The following RABGAP1 variants were observed in gnomAD, a reference collection of about 807,000 sequenced individuals.
RABGAP1 encodes the protein RAB GTPase activating protein 1.
RABGAP1 carries 23 observed loss-of-function variants against 137.6 expected under a neutral mutation model. The observed-to-expected ratio is 0.17, with a 90% CI of 0.12 to 0.24. RABGAP1 has a LOEUF of 0.24. Ranked by LOEUF, RABGAP1 falls within the 10% of genes least tolerant of loss-of-function variation. RABGAP1 has a pLI of 1.00. For missense variants in RABGAP1, 906 were observed against 1,275.8 expected, an observed-to-expected ratio of 0.71 and a Z score of 4.42; for synonymous variants, 451 against 450.7, an observed-to-expected ratio of 1.00 and a Z score of -0.01.
intron 19 of RABGAP1, among the ~76,000 whole-genome samples, chr9:123,088,525 A>C (rs1220837190): frequency 6.6e-6 from 1 of 152,168 alleles, no homozygotes; most frequent in Non-Finnish European, 1.5e-5. Context: ...CTCCATCCCT[A>C]CAAAAAATAA....
chr9:123,039,899 TC>T (rs33912422), intron 13 of RABGAP1, among the ~76,000 whole-genome samples: 15,040 of 152,136 alleles, frequency 0.099, 2,392 homozygotes, highest in African/African-American at 0.34. Context: ...CTTTCCTTCT[TC>T]CTTCCTTTTC....
chr9:122,992,196 C>T (rs950851151), intron 6 of RABGAP1, among the ~76,000 whole-genome samples: 3 of 151,994 alleles, frequency 2.0e-5, no homozygotes, highest in Admixed American at 1.3e-4. Context: ...GCCACCATAC[C>T]GGGCTAATTT....
intron 13 of RABGAP1, among the ~76,000 whole-genome samples, chr9:123,053,848 C>T (rs2132072198): frequency 6.6e-6 from 1 of 152,276 alleles, no homozygotes. Flanking sequence ...ACTTTCTTTT[C>T]TTCCTGCCGT....
chr9:123,074,834 G>T (rs1345106769), intron 17 of RABGAP1, among the ~76,000 whole-genome samples: 1 of 152,216 alleles, frequency 6.6e-6, no homozygotes, highest in Non-Finnish European at 1.5e-5. Flanking sequence ...TTCAAGCCAG[G>T]AGGATTAGAG....
chr9:123,046,453 A>G (rs550200843), intron 13 of RABGAP1, among the ~76,000 whole-genome samples: 2 of 152,322 alleles, frequency 1.3e-5, no homozygotes, highest in South Asian at 2.1e-4. Flanking sequence ...TGTAGTGGCC[A>G]AAAGTATGTG....
chr9:122,966,119 G>A (rs1030140296), intron 2 of RABGAP1, among the ~76,000 whole-genome samples: 2 of 152,178 alleles, frequency 1.3e-5, no homozygotes, highest in Non-Finnish European at 2.9e-5. Context: ...TTGACTGTTA[G>A]CTGTCTCTTT....
At chr9:123,003,004 C>G (rs553243217) in intron 10 of RABGAP1, among the ~76,000 whole-genome samples, 2 of 151,902 alleles carry the variant, frequency 1.3e-5, no homozygotes, top group African/African-American at 4.8e-5. Context: ...TGTGTTTGTG[C>G]GGGGATTTAG....
At chr9:123,011,922 C>T (rs1287225924) in intron 11 of RABGAP1, among the ~76,000 whole-genome samples, 1 of 152,186 alleles carries the variant, frequency 6.6e-6, no homozygotes, top group Non-Finnish European at 1.5e-5. Flanking sequence ...GCCATTTGCA[C>T]TCCAGCCTGG....
chr9:123,035,958 G>A (rs2032635081), intron 13 of RABGAP1, among the ~76,000 whole-genome samples: 1 of 152,130 alleles, frequency 6.6e-6, no homozygotes, highest in African/African-American at 2.4e-5. Context: ...GAACCTGAGT[G>A]TGAAAAGCGT....
rs2033725323 is a variant in RABGAP1, at chr9:123,056,892, G to A, written c.1795-8456G>A. On this transcript the variant is annotated intron_variant, in intron 13 of 25. Coordinates refer to ENST00000373647, the MANE Select transcript of RABGAP1 (RefSeq NM_012197.4). ...CATGTCTACTTTCTACACAGACACA[G>A]CAACCATCCGATTTCTCAATCTTTT... 1.3e-5 allele frequency among the ~76,000 whole-genome samples: 2 copies of A among 152,204 alleles called. 1 individual carries two copies. The highest frequency in any genetic ancestry group is 4.1e-4 in the South Asian group (2 of 4,834).
chr9:122,941,704 C>T (rs910165475), intron 1 of RABGAP1, among the ~76,000 whole-genome samples: 6 of 152,266 alleles, frequency 3.9e-5, no homozygotes, highest in Non-Finnish European at 5.9e-5. Flanking sequence ...CCCAGTACCT[C>T]ATCGCTGTGT....
chr9:122,955,875 C>T (rs1834490254), intron 1 of RABGAP1, among the ~76,000 whole-genome samples: 1 of 152,162 alleles, frequency 6.6e-6, no homozygotes, highest in African/African-American at 2.4e-5. Flanking sequence ...TAGAACCTTA[C>T]ATCTTTGAGG....
rs768266692 is a variant in RABGAP1, at chr9:122,984,477, A to T, written c.151-8A>T. 6.2e-7 allele frequency: 1 copy of T among 1,609,868 alleles called. No individual in the cohort carries two copies. Among genetic ancestry groups the T allele is most frequent in the South Asian group, 1.1e-5 (1 of 90,436 alleles). On this transcript the variant is annotated splice_polypyrimidine_tract_variant and splice_region_variant and intron_variant, in intron 2 of 25. Transcript: ENST00000373647. ...ACTTTGCTGATTGCATGTATTTGTG[A>T]CCCTTAGATTGTAGGGAATGGAAGT...
chr9:123,037,069 A>G (rs1046425698), intron 13 of RABGAP1, among the ~76,000 whole-genome samples: 1 of 152,136 alleles, frequency 6.6e-6, no homozygotes, highest in Non-Finnish European at 1.5e-5. Context: ...GACTTACTTG[A>G]TCTCTGCCTT....
intron 6 of RABGAP1, among the ~76,000 whole-genome samples, chr9:122,994,105 C>T (rs1836892309): frequency 6.6e-6 from 1 of 152,196 alleles, no homozygotes; most frequent in Non-Finnish European, 1.5e-5. Context: ...TAAGCCTGTA[C>T]TTCAGTTTCT....
chr9:122,959,180 A>G (rs1834709556), intron 2 of RABGAP1, among the ~76,000 whole-genome samples: 1 of 152,100 alleles, frequency 6.6e-6, no homozygotes, highest in African/African-American at 2.4e-5. Flanking sequence ...AGGCCATGGA[A>G]AAATCTGGGA....
At chr9:123,032,281 T>G (rs2032345048) in intron 13 of RABGAP1, among the ~76,000 whole-genome samples, 1 of 152,210 alleles carries the variant, frequency 6.6e-6, no homozygotes, top group African/African-American at 2.4e-5. Flanking sequence ...GTTGTTCTCA[T>G]TTTACAGATG....
intron 13 of RABGAP1, among the ~76,000 whole-genome samples, chr9:123,040,067 T>A (rs200760635): frequency 6.6e-6 from 1 of 152,168 alleles, no homozygotes; most frequent in East Asian, 1.9e-4. Flanking sequence ...CCAGGTAGTA[T>A]AACTAGCCTC....
intron 12 of RABGAP1, among the ~76,000 whole-genome samples, chr9:123,017,840 G>C (rs1052321465): frequency 2.0e-5 from 3 of 152,172 alleles, no homozygotes; most frequent in African/African-American, 7.2e-5. Flanking sequence ...TTACAGATGA[G>C]ACTGGTGCAT....
Sources: allele counts gnomAD v4.1 joint callset (sites outside exome capture counted in the v4.1 genomes callset), GRCh38; gene constraint gnomAD v4.1.1; transcripts MANE v1.5; gene names NCBI Gene and HGNC (gene_info 2026-07-23, HGNC 2026-07-21).